ABCC2: variants seen among roughly 807,000 people sequenced by gnomAD.
ABCC2 encodes the protein ATP binding cassette subfamily C member 2, also known as ATP-binding cassette sub-family C member 2.
Under a neutral mutation model 173.4 loss-of-function variants are expected in ABCC2, and 157 were observed. That is an observed-to-expected ratio of 0.91 (90% CI 0.80 to 1.03). The LOEUF (loss-of-function observed/expected upper bound fraction) is 1.03. ABCC2 is among the 50% of genes least tolerant of loss of function. The pLI is 0.00. For missense variants in ABCC2, 1,822 were observed against 1,852.3 expected (o/e 0.98, Z 0.30); for synonymous variants, 657 against 693.5 (o/e 0.95, Z 0.83).
intron 23 of ABCC2, among the ~76,000 whole-genome samples, chr10:99,832,573 C>T (rs1334562962): frequency 6.6e-6 from 1 of 152,210 alleles, no homozygotes; most frequent in African/African-American, 2.4e-5. Context: ...AAGGATTATT[C>T]TGCAGAGGAA....
rs2039096776 is a variant in ABCC2 at position 99,852,293 on chromosome 10, T to C, written c.*662T>C. 1 of 152,296 alleles carries C rather than the reference T, an allele frequency of 6.6e-6. No individual in the cohort carries two copies. The highest frequency in any genetic ancestry group is 1.5e-5 in the Non-Finnish European group (1 of 68,098). 9.4% of individuals were successfully genotyped at this position (152,296 alleles called of 1,614,324 possible). A position where few individuals can be genotyped will look rare whatever the true frequency, so the allele number is the denominator to read the frequency against. The stretch of plus-strand genomic sequence containing the variant: ...ATGTTTACATGCACAAACTAGCTGA[T>C]GCCAAACTGGTAATGCCAACTGAAA... On this transcript the variant is annotated 3_prime_UTR_variant, in exon 32 of 32. Transcript: ENST00000647814.
Position 99,819,134 on chromosome 10 carries a change from G to T in ABCC2, c.2485G>T (p.Asp829Tyr). 1 of 1,614,200 alleles carries T rather than the reference G, an allele frequency of 6.2e-7. No individual in the cohort carries two copies. Among genetic ancestry groups the T allele is most frequent in the Non-Finnish European group, 8.5e-7 (1 of 1,180,024 alleles). Residue 829 changes from aspartate (D) to tyrosine (Y), a missense_variant, in exon 19 of 32, where the codon GAT becomes TAT. Asp to Tyr is a radical substitution (Grantham distance 160). Coordinates refer to ENST00000647814, the MANE Select transcript of ABCC2 (RefSeq NM_000392.5). ...THSMHFLPQVDEIVVLGNGTI... is the reference protein window; with the variant it reads ...THSMHFLPQVYEIVVLGNGTI... ...TAGCATGCACTTTCTTCCTCAAGTGGATGAGATTGTAGTTCTGGGGAATGG... is the reference window on the plus strand; with the variant it reads ...TAGCATGCACTTTCTTCCTCAAGTGTATGAGATTGTAGTTCTGGGGAATGG...
intron 19 of ABCC2, among the ~76,000 whole-genome samples, chr10:99,822,530 C>T (rs1301560530): frequency 1.3e-5 from 2 of 151,824 alleles, no homozygotes; most frequent in Non-Finnish European, 2.9e-5. Flanking sequence ...CTGATTTTCT[C>T]CTGGTGAAAC....
chr10:99,822,044 C>T (rs887684206), intron 19 of ABCC2, among the ~76,000 whole-genome samples: 12 of 152,124 alleles, frequency 7.9e-5, no homozygotes, highest in African/African-American at 2.7e-4. Flanking sequence ...CCTTCTTCCT[C>T]AGGTTTGGCA....
Position 99,805,246 on chromosome 10 carries a change from G to T in ABCC2, c.1465-136G>T, listed in dbSNP as rs940569015. 10 of 721,488 alleles carry T rather than the reference G, an allele frequency of 1.4e-5. No individual in the cohort carries two copies. In the Admixed American group the frequency reaches 1.4e-4, roughly 10 times the overall value. The allele number at this position is 721,488 out of a possible 1,614,324, so 44.7% of individuals were successfully genotyped here. On this transcript the variant is annotated intron_variant, in intron 10 of 31. Transcript: ENST00000647814. Reference sequence around the variant, plus strand: ...GGCAAAGAGGAGAGTGGAGGGAGGTGAATCCCATCACTGGGCACCTCAAGT... The same window carrying T: ...GGCAAAGAGGAGAGTGGAGGGAGGTTAATCCCATCACTGGGCACCTCAAGT...
intron 19 of ABCC2, among the ~76,000 whole-genome samples, chr10:99,820,346 G>A (rs142743180): frequency 0.016 from 2,370 of 152,196 alleles, 72 homozygotes; most frequent in African/African-American, 0.053. Context: ...AGCTGAGATC[G>A]TGCCATTGCA....
intron 2 of ABCC2, among the ~76,000 whole-genome samples, chr10:99,791,945 A>G: frequency 6.6e-6 from 1 of 152,212 alleles, no homozygotes; most frequent in East Asian, 1.9e-4. Context: ...CCCAGCCCAC[A>G]CTCAAGGGAG....
chr10:99,834,691 C>G (rs1188432813), intron 24 of ABCC2, among the ~76,000 whole-genome samples, 156 bp downstream of exon 24: 1 of 152,222 alleles, frequency 6.6e-6, no homozygotes, highest in African/African-American at 2.4e-5. Context: ...CCCAGGAGCC[C>G]ACAGGCCACT....
At chr10:99,844,205 C>T in intron 27 of ABCC2, 117 bp from the exon 28 acceptor site, 1 of 1,255,484 alleles carries the variant, frequency 8.0e-7, no homozygotes, top group South Asian at 1.2e-5. Context: ...ATGCAGAGGC[C>T]ATTAGGTAGC....
Position 99,813,143 on chromosome 10 carries a change from A to C in ABCC2, c.2093A>C (p.Lys698Thr). ...MENVHGHITI[K>T]GTTAYVPQQS... ...AATGTCCACGGGCACATCACCATCA[A>C]GGTGAGAGGGAATGCCAATGCAAAA... The change falls in exon 16 of 32, where the codon AAG becomes ACG. Residue 698 changes from lysine to threonine, a missense_variant and splice_region_variant. Transcript: ENST00000647814. 1 of 1,613,544 alleles carries C rather than the reference A, an allele frequency of 6.2e-7. No individual in the cohort carries two copies. Among genetic ancestry groups the C allele is most frequent in the South Asian group, 1.1e-5 (1 of 91,070 alleles).
At chr10:99,837,093 A>G (rs1212634637) in intron 25 of ABCC2, among the ~76,000 whole-genome samples, 1 of 151,560 alleles carries the variant, frequency 6.6e-6, no homozygotes, top group African/African-American at 2.4e-5. Context: ...CACATGCTGG[A>G]ATTATTGGTG....
chr10:99,846,157 T>G (rs933869058), intron 29 of ABCC2, among the ~76,000 whole-genome samples: 3 of 152,220 alleles, frequency 2.0e-5, no homozygotes, highest in Admixed American at 6.5e-5. Context: ...GGTTAAAAGA[T>G]AGAGGAGGGA....
intron 2 of ABCC2, among the ~76,000 whole-genome samples, chr10:99,791,275 G>T (rs946548159): frequency 2.0e-5 from 3 of 152,094 alleles, no homozygotes; most frequent in South Asian, 4.1e-4. Context: ...AGGTGTGGTG[G>T]CGCACACTTG....
intron 2 of ABCC2, among the ~76,000 whole-genome samples, chr10:99,787,774 C>T (rs1410275668): frequency 6.6e-6 from 1 of 152,006 alleles, no homozygotes; most frequent in Non-Finnish European, 1.5e-5. Context: ...TCAAAAAGTA[C>T]AAAAGGAGCT....
At position 99,844,424 on chromosome 10, in the gene ABCC2, G is replaced by A. The variant is rs760513620; in HGVS notation, c.3946G>A (p.Val1316Ile). Residue 1316 changes from valine to isoleucine, a missense_variant, in exon 28 of 32, where the codon GTC becomes ATC. Val to Ile is a conservative substitution (Grantham distance 29). Transcript: ENST00000647814. Reference protein sequence around the residue: ...QVRYRPELDLVLRGITCDIGS... With the variant: ...QVRYRPELDLILRGITCDIGS... ...GCGGTACCGACCTGAGCTGGATCTG[G>A]TCCTCAGAGGGATCACTTGTGACAT... The A allele has an allele frequency of 6.2e-7, 1 of 1,614,058 alleles. No homozygotes were observed. Among genetic ancestry groups the A allele is most frequent in the African/African-American group, 1.3e-5 (1 of 74,944 alleles).
At chr10:99,814,707 A>G (rs571839462) in intron 16 of ABCC2, among the ~76,000 whole-genome samples, 2 of 144,104 alleles carry the variant, frequency 1.4e-5, no homozygotes. Flanking sequence ...ATATATGTGT[A>G]TACATGTATA....
At chr10:99,793,813 C>A in intron 4 of ABCC2, 79 bp from the exon 5 acceptor site, 1 of 1,565,488 alleles carries the variant, frequency 6.4e-7, no homozygotes, top group Non-Finnish European at 8.8e-7. Flanking sequence ...GCTTTAATCA[C>A]AAGCATTGAT....
chr10:99,804,160 T>C lies in ABCC2; in HGVS notation c.1351T>C (p.Ser451Pro). 6.2e-7 allele frequency: 1 copy of C among 1,614,160 alleles called. No individual in the cohort carries two copies. The change falls in exon 10 of 32, where the codon TCT becomes CCT. Residue 451 changes from serine (S) to proline (P), a missense_variant. By Grantham distance (74) the Ser-to-Pro change is moderately conservative (BLOSUM62 -1). Transcript: ENST00000647814. ...LWSSVLQIVL[S>P]IFFLWRELGP... The stretch of plus-strand genomic sequence containing the variant: ...GTCAAGTGTTCTACAGATTGTCTTA[T>C]CTATCTTCTTCCTATGGAGAGAGTT...
chr10:99,819,300 C>T, intron 19 of ABCC2, 31 bp downstream of exon 19: 1 of 1,601,020 alleles, frequency 6.2e-7, no homozygotes, highest in Non-Finnish European at 8.5e-7. Context: ...CAAGATAGAA[C>T]TTGGGCCATG....
Sources: allele counts gnomAD v4.1 joint callset (sites outside exome capture counted in the v4.1 genomes callset), GRCh38; gene constraint gnomAD v4.1.1; transcripts MANE v1.5; gene names NCBI Gene and HGNC (gene_info 2026-07-23, HGNC 2026-07-21).